The following TTC39B variants were observed in gnomAD, a reference collection of about 807,000 sequenced individuals.
TTC39B encodes tetratricopeptide repeat domain 39B, also known as tetratricopeptide repeat protein 39B.
TTC39B carries 92 observed loss-of-function variants against 96.6 expected under a neutral mutation model. That is an observed-to-expected ratio of 0.95 (90% confidence interval 0.80 to 1.13). The LOEUF is 1.13. Ranked by LOEUF, TTC39B falls within the 50% of genes most tolerant of loss-of-function variation. The probability of loss-of-function intolerance (pLI) is 0.00; values close to 1 mark genes in which losing one functional copy is unlikely to be tolerated. For missense variants in TTC39B, 955 were observed against 809.3 expected (o/e 1.18, Z -2.18); for synonymous variants, 367 against 299.4 (o/e 1.23, Z -2.33).
intron 2 of TTC39B, chr9:15,249,900 T>C: frequency 1.6e-6 from 2 of 1,250,430 alleles, no homozygotes; most frequent in South Asian, 1.4e-5. Flanking sequence ...AACTGCTAAA[T>C]AAATATGACA....
In TTC39B at chr9:15,226,115, A is replaced by T. The variant is rs1479173176; in HGVS notation, c.276-103T>A. On this transcript the variant is annotated intron_variant, in intron 2 of 19. Transcript: ENST00000512701. ...ACATAAGTCTTCCAATTATTTTTAT[A>T]CATCTTACCTCCATTTCTTATCAAT... is the stretch of plus-strand genomic sequence containing the variant. 3 of 859,154 alleles carry T rather than the reference A, an allele frequency of 3.5e-6. No homozygotes were observed. The African/African-American group carries it at 5.1e-5, about 15-fold the overall frequency. 53.2% of individuals were successfully genotyped at this position (859,154 alleles called of 1,614,324 possible).
At chr9:15,217,028 G>A (rs1409951541) in intron 3 of TTC39B, among the ~76,000 whole-genome samples, 2 of 152,166 alleles carry the variant, frequency 1.3e-5, no homozygotes, top group Non-Finnish European at 2.9e-5. Flanking sequence ...CTGTATAATG[G>A]AGCCAGCGAT....
exon 20 of TTC39B, chr9:15,168,213 G>A (rs943220395): frequency 6.6e-5 from 10 of 152,164 alleles, no homozygotes; most frequent in Admixed American, 2.6e-4. Flanking sequence ...CATGTGTGGC[G>A]AGGGGCTACT....
intron 2 of TTC39B, among the ~76,000 whole-genome samples, chr9:15,248,054 G>A (rs1024408857): frequency 1.5e-4 from 23 of 152,172 alleles, no homozygotes; most frequent in Non-Finnish European, 2.6e-4. Context: ...AATCAACATG[G>A]TTGCTGTTGA....
At chr9:15,271,482 C>G (rs1823350577) in intron 1 of TTC39B, among the ~76,000 whole-genome samples, 6 of 152,268 alleles carry the variant, frequency 3.9e-5, no homozygotes, top group Middle Eastern at 3.4e-3. Flanking sequence ...TGTTCCACCT[C>G]AGATCATCAG....
At chr9:15,295,626 G>A (rs761249062) in intron 1 of TTC39B, among the ~76,000 whole-genome samples, 3 of 152,226 alleles carry the variant, frequency 2.0e-5, no homozygotes, top group Non-Finnish European at 4.4e-5. Context: ...ACCAGTAGCA[G>A]CAAGACTTTA....
intron 1 of TTC39B, among the ~76,000 whole-genome samples, chr9:15,297,395 T>A (rs563189291): frequency 1.3e-4 from 20 of 152,256 alleles, no homozygotes; most frequent in African/African-American, 4.8e-4. Context: ...TTGCTCTAAG[T>A]CACACAGCTA....
At chr9:15,236,670 C>T (rs575914689) in intron 2 of TTC39B, among the ~76,000 whole-genome samples, 3 of 152,212 alleles carry the variant, frequency 2.0e-5, no homozygotes, top group South Asian at 4.1e-4. Flanking sequence ...CCAAGAAGAA[C>T]TCTCAAAACT....
At chr9:15,304,607 ATAT>A (rs1239848471) in intron 1 of TTC39B, among the ~76,000 whole-genome samples, 3 of 152,152 alleles carry the variant, frequency 2.0e-5, no homozygotes, top group African/African-American at 7.2e-5. Flanking sequence ...AAAGATTTCC[ATAT>A]TATTAGCCCT....
intron 8 of TTC39B, among the ~76,000 whole-genome samples, chr9:15,197,353 C>T (rs1819230323): frequency 6.6e-6 from 1 of 151,782 alleles, no homozygotes; most frequent in Non-Finnish European, 1.5e-5. Flanking sequence ...GAAATCTATA[C>T]AACAGCATGT....
At chr9:15,287,722 G>A (rs1289863202) in intron 1 of TTC39B, among the ~76,000 whole-genome samples, 1 of 152,096 alleles carries the variant, frequency 6.6e-6, no homozygotes, top group African/African-American at 2.4e-5. Context: ...TGGGCGCAGT[G>A]GCTCACAAGG....
exon 17 of TTC39B, chr9:15,182,380 C>T (rs995914705): frequency 6.2e-7 from 1 of 1,611,612 alleles, no homozygotes. Flanking sequence ...TTCTTTTGCT[C>T]ACTATTGAAA....
chr9:15,224,806 G>A (rs1462354993), intron 3 of TTC39B, among the ~76,000 whole-genome samples: 2 of 152,064 alleles, frequency 1.3e-5, no homozygotes, highest in African/African-American at 4.8e-5. Flanking sequence ...AAAAGGATAT[G>A]GAAAACAAAT....
At position 15,164,629 on chromosome 9, in the gene TTC39B, T is replaced by G. The variant is rs1055373743; in HGVS notation, c.*7390A>C. On this transcript the variant is annotated 3_prime_UTR_variant, in exon 20 of 20. Coordinates refer to ENST00000512701, the Ensembl canonical transcript of TTC39B. ...TGCCTTTACATTTGATTTAGCAATGTGAATCAAAAAATGCAAGTGTTCTGT... is the reference window on the plus strand; with the variant it reads ...TGCCTTTACATTTGATTTAGCAATGGGAATCAAAAAATGCAAGTGTTCTGT... 3.3e-5 allele frequency: 5 copies of G among 152,160 alleles called. No individual in the cohort carries two copies. The East Asian group carries it at 5.8e-4, about 18-fold the overall frequency. 9.4% of individuals were successfully genotyped at this position (152,160 alleles called of 1,614,324 possible). A position where few individuals can be genotyped will look rare whatever the true frequency, so the allele number is the denominator to read the frequency against.
At chr9:15,232,238 G>C (rs1453298629) in intron 2 of TTC39B, 1 of 152,648 alleles carries the variant, frequency 6.6e-6, no homozygotes, top group Non-Finnish European at 1.5e-5. Flanking sequence ...TGACCTCCAG[G>C]TCAAACTGCA....
chr9:15,257,888 C>A (rs986724883), intron 2 of TTC39B, among the ~76,000 whole-genome samples: 1 of 151,652 alleles, frequency 6.6e-6, no homozygotes, highest in East Asian at 1.9e-4. Context: ...GGAGAAACCC[C>A]GTCTCTACTA....
chr9:15,264,772 TTA>T (rs1332081361), intron 2 of TTC39B, among the ~76,000 whole-genome samples: 2 of 150,628 alleles, frequency 1.3e-5, no homozygotes, highest in Admixed American at 6.6e-5. Flanking sequence ...GTTGTATACC[TTA>T]TATATACACA....
chr9:15,217,046 T>C (rs906363315), intron 3 of TTC39B, among the ~76,000 whole-genome samples: 2 of 152,094 alleles, frequency 1.3e-5, no homozygotes, highest in African/African-American at 4.8e-5. Flanking sequence ...GATGGGAATA[T>C]CTAGGTTGAG....
exon 20 of TTC39B, chr9:15,168,906 C>T (rs900070452): frequency 5.3e-5 from 8 of 150,482 alleles, no homozygotes; most frequent in Non-Finnish European, 7.4e-5. Flanking sequence ...CTAATAGTAG[C>T]TTTGAAAGAG....
Sources: gnomAD v4.1 joint callset for allele counts (sites outside exome capture counted in the v4.1 genomes callset) on GRCh38, gnomAD v4.1.1 for gene constraint, MANE v1.5 for transcripts, NCBI Gene and HGNC (gene_info 2026-07-23, HGNC 2026-07-21) for gene names.